COX16: variants seen among roughly 807,000 people sequenced by gnomAD.
The protein encoded by COX16 is cytochrome c oxidase assembly protein COX16 homolog, mitochondrial.
A neutral mutation model predicts 15.4 loss-of-function variants in COX16; 12 were observed. That is an observed-to-expected ratio of 0.78 (90% CI 0.50 to 1.26). The LOEUF (loss-of-function observed/expected upper bound fraction) is 1.26. COX16 is among the 50% of genes most tolerant of loss of function. The probability of loss-of-function intolerance (pLI) is 0.00; values close to 1 mark genes in which losing one functional copy is unlikely to be tolerated. For synonymous variants in COX16, 46 were observed against 41.1 expected (o/e 1.12, Z -0.46); for missense variants, 124 against 127.6 (o/e 0.97, Z 0.14).
At chr14:70,329,849 A>T (rs914562221) in intron 2 of COX16, among the ~76,000 whole-genome samples, 1 of 152,052 alleles carries the variant, frequency 6.6e-6, no homozygotes, top group African/African-American at 2.4e-5. Flanking sequence ...AATAAACAAC[A>T]ACTACAAAAA....
At chr14:70,350,348 C>T (rs898629709) in intron 1 of COX16, among the ~76,000 whole-genome samples, 1 of 152,188 alleles carries the variant, frequency 6.6e-6, no homozygotes, top group African/African-American at 2.4e-5. Flanking sequence ...TCGTCCCGTC[C>T]TCACTTGGGG....
chr14:70,326,467 A>T lies in COX16; in HGVS notation c.205-18T>A. 6.4e-7 allele frequency: 1 copy of T among 1,556,580 alleles called. No individual in the cohort carries two copies. Among genetic ancestry groups the T allele is most frequent in the Non-Finnish European group, 8.7e-7 (1 of 1,156,012 alleles). ...TTGATTTTCTATAGAACCACAAAAA[A>T]TTAAAGTATAAATATTAGTATAAGA... On this transcript the variant is annotated intron_variant, in intron 3 of 3. Coordinates refer to ENST00000389912, the MANE Select transcript of COX16 (RefSeq NM_016468.7).
Position 70,329,228 on chromosome 14 carries a change from A to G in COX16, c.150T>C (p.Pro50=). 3 of 1,605,202 alleles carry G rather than the reference A, an allele frequency of 1.9e-6. No individual in the cohort carries two copies. The highest frequency in any genetic ancestry group is 2.6e-6 in the Non-Finnish European group (3 of 1,175,884). The change falls in exon 3 of 4, where the codon CCT becomes CCC. Residue 50 remains proline, a synonymous_variant. Coordinates refer to ENST00000389912, the MANE Select transcript of COX16 (RefSeq NM_016468.7). ...RYDAVKSKMD[P]ELEKKLKENK... ...TCTCTTTCAGTTTTTTTTCAAGCTC[A>G]GGATCCATCTGTAGAAAAGGAAAAA... is the stretch of plus-strand genomic sequence containing the variant.
At chr14:70,331,086 C>T (rs1216193695) in intron 2 of COX16, among the ~76,000 whole-genome samples, 2 of 152,170 alleles carry the variant, frequency 1.3e-5, no homozygotes, top group Non-Finnish European at 2.9e-5. Flanking sequence ...CGGCTCACTG[C>T]AACCTCTGCC....
At position 70,342,593 on chromosome 14, in the gene COX16, C is replaced by G. The variant is rs529607524; in HGVS notation, c.141+65G>C. On this transcript the variant is annotated intron_variant, in intron 2 of 3. Transcript: ENST00000389912. Reference sequence around the variant, plus strand: ...CAGACTACTTAGTATACTGAGTATACAATTCTCCTAAACCAGAACATACAT... The same window carrying G: ...CAGACTACTTAGTATACTGAGTATAGAATTCTCCTAAACCAGAACATACAT... 90 of 1,525,804 alleles carry G rather than the reference C, an allele frequency of 5.9e-5. 1 individual carries two copies. The South Asian group carries it at 7.9e-4, about 13-fold the overall frequency. The allele number at this position is 1,525,804 out of a possible 1,614,324, so 94.5% of individuals were successfully genotyped here. A position where few individuals can be genotyped will look rare whatever the true frequency, so the allele number is the denominator to read the frequency against.
chr14:70,343,234 G>A (rs957146062), intron 1 of COX16, among the ~76,000 whole-genome samples: 35 of 152,174 alleles, frequency 2.3e-4, no homozygotes, highest in African/African-American at 7.7e-4. Flanking sequence ...AAATAAGGCA[G>A]ATGCCTAGCT....
intron 1 of COX16, among the ~76,000 whole-genome samples, chr14:70,353,430 A>G (rs902165129): frequency 6.8e-6 from 1 of 147,314 alleles, no homozygotes; most frequent in Admixed American, 6.8e-5. Flanking sequence ...ATACACACAC[A>G]TATACACACA....
chr14:70,327,761 T>C (rs1000625564), intron 3 of COX16, among the ~76,000 whole-genome samples: 1 of 152,186 alleles, frequency 6.6e-6, no homozygotes, highest in African/African-American at 2.4e-5. Context: ...AAAAGTAGTC[T>C]AGCCTTTACA....
intron 1 of COX16, among the ~76,000 whole-genome samples, chr14:70,356,207 C>CG (rs1555345992): frequency 1.0e-5 from 1 of 98,130 alleles, no homozygotes; most frequent in Non-Finnish European, 1.9e-5. Context: ...CAGATGGTGG[C>CG]GGGGGTGGGG....
chr14:70,337,892 AT>A (rs1886503974), intron 2 of COX16, among the ~76,000 whole-genome samples: 1 of 152,058 alleles, frequency 6.6e-6, no homozygotes, highest in Non-Finnish European at 1.5e-5. Flanking sequence ...ACAATAGAAA[AT>A]ATACAAAATA....
At chr14:70,328,663 C>T (rs1346034003) in intron 3 of COX16, among the ~76,000 whole-genome samples, 1 of 152,116 alleles carries the variant, frequency 6.6e-6, no homozygotes, top group African/African-American at 2.4e-5. Context: ...CTATGCTTTC[C>T]CATGTTCTTA....
intron 1 of COX16, among the ~76,000 whole-genome samples, chr14:70,351,324 TTAA>T (rs1354793617): frequency 2.6e-5 from 4 of 151,110 alleles, no homozygotes; most frequent in African/African-American, 9.8e-5. Context: ...GCACACTGCA[TTAA>T]TATTTTATTA....
chr14:70,359,135 G>A (rs894281916), intron 1 of COX16: 12 of 458,982 alleles, frequency 2.6e-5, no homozygotes, highest in African/African-American at 2.0e-4. Flanking sequence ...GCTAAGTTGG[G>A]GGCGAGGAAG....
At chr14:70,346,695 AC>A (rs1257374865) in intron 1 of COX16, among the ~76,000 whole-genome samples, 1 of 151,858 alleles carries the variant, frequency 6.6e-6, no homozygotes, top group Non-Finnish European at 1.5e-5. Flanking sequence ...TTTAATTAAT[AC>A]CGGGCAAACT....
At chr14:70,331,861 C>G (rs1240490230) in intron 2 of COX16, among the ~76,000 whole-genome samples, 2 of 150,924 alleles carry the variant, frequency 1.3e-5, no homozygotes, top group Admixed American at 1.3e-4. Flanking sequence ...CTGCTCATAT[C>G]CCCCCATAGC....
At chr14:70,351,852 C>A (rs1263552604) in intron 1 of COX16, among the ~76,000 whole-genome samples, 1 of 151,886 alleles carries the variant, frequency 6.6e-6, no homozygotes, top group Non-Finnish European at 1.5e-5. Flanking sequence ...TGTTTTATAC[C>A]TTTTAATATT....
intron 1 of COX16, among the ~76,000 whole-genome samples, chr14:70,353,571 T>C (rs895231310): frequency 6.6e-6 from 1 of 151,858 alleles, no homozygotes; most frequent in African/African-American, 2.4e-5. Flanking sequence ...TGGAGTGCAG[T>C]GGTGTGACCT....
chr14:70,336,255 C>CA (rs928820063), intron 2 of COX16, among the ~76,000 whole-genome samples: 3 of 123,960 alleles, frequency 2.4e-5, no homozygotes, highest in African/African-American at 8.1e-5. Context: ...GACTTCGTCT[C>CA]AAAAAAACAA....
At position 70,359,678 on chromosome 14, in the gene COX16, G is replaced by A. The variant is rs1887242657; in HGVS notation, c.-91C>T. On this transcript the variant is annotated 5_prime_UTR_variant, in exon 1 of 4. In the 5' UTR this introduces an upstream ATG that the reference lacks. Transcript: ENST00000389912. Reference sequence around the variant, plus strand: ...CTCACGCTCTCACCAAGACGAGTACGTCCTTAACTCACTTCCTTTTCCTTG... The same window carrying A: ...CTCACGCTCTCACCAAGACGAGTACATCCTTAACTCACTTCCTTTTCCTTG... The A allele has an allele frequency of 9.8e-6, 11 of 1,124,928 alleles. No homozygotes were observed. The highest frequency in any genetic ancestry group is 3.6e-5 in the Admixed American group (2 of 55,556). The allele number at this position is 1,124,928 out of a possible 1,614,324, so 69.7% of individuals were successfully genotyped here.
Sources: allele counts gnomAD v4.1 joint callset (sites outside exome capture counted in the v4.1 genomes callset), GRCh38; gene constraint gnomAD v4.1.1; transcripts MANE v1.5; gene names NCBI Gene and HGNC (gene_info 2026-07-23, HGNC 2026-07-21).